Variants in H2BC12 observed in about 807,000 individuals in gnomAD.
H2BC12 encodes the protein histone H2B type 1-K.
A neutral mutation model predicts 6.3 loss-of-function variants in H2BC12; 6 were observed. That is an observed-to-expected ratio of 0.95 (90% CI 0.52 to 1.87). H2BC12 has a LOEUF of 1.87. H2BC12 is among the 40% of genes most tolerant of loss of function. H2BC12 has a pLI of 0.01. For synonymous variants in H2BC12, 132 were observed against 78.5 expected, an observed-to-expected ratio of 1.68 and a Z score of -3.60; for missense variants, 119 against 178.4, an observed-to-expected ratio of 0.67 and a Z score of 1.90.
chr6:27,142,556 GC>G (rs1365428328), downstream of H2BC12, among the ~76,000 whole-genome samples: 4 of 149,188 alleles, frequency 2.7e-5, no homozygotes, highest in Non-Finnish European at 5.9e-5. Flanking sequence ...GAGCCACTGT[GC>G]CCAGACAATT....
At chr6:27,139,507 A>T in the H2BC12 span, 3 of 1,613,944 alleles carry the variant, frequency 1.9e-6, no homozygotes, top group Non-Finnish European at 2.5e-6. Flanking sequence ...GGAGAACGTG[A>T]TCCGGGACGC....
At chr6:27,143,334 A>G (rs1397538391), downstream of H2BC12, among the ~76,000 whole-genome samples, 1 of 151,676 alleles carries the variant, frequency 6.6e-6, no homozygotes, top group East Asian at 2.0e-4. Flanking sequence ...CCTTGGCGAC[A>G]GAGTAAGACT....
chr6:27,139,963 T>A, the H2BC12 span: 1 of 259,730 alleles, frequency 3.9e-6, no homozygotes, highest in African/African-American at 2.3e-5. Flanking sequence ...AACTTCCCTC[T>A]GGACCTTCAA....
chr6:27,140,844 A>G, the H2BC12 span, among the ~76,000 whole-genome samples: 2 of 151,758 alleles, frequency 1.3e-5, no homozygotes, highest in Non-Finnish European at 2.9e-5. Flanking sequence ...TATTCTTTAT[A>G]TATTTGAGTT....
chr6:27,139,671 C>G, the H2BC12 span: 1 of 1,542,724 alleles, frequency 6.5e-7, no homozygotes, highest in Non-Finnish European at 8.7e-7. Flanking sequence ...TTTAGGGCCC[C>G]TAAGCTTTCA....
downstream of H2BC12, among the ~76,000 whole-genome samples, chr6:27,145,979 G>A (rs1357929854): frequency 6.6e-6 from 1 of 152,144 alleles, no homozygotes; most frequent in Non-Finnish European, 1.5e-5. Flanking sequence ...GTACTGGAAC[G>A]CCATCGGGAA....
downstream of H2BC12, among the ~76,000 whole-genome samples, chr6:27,144,840 A>G (rs1332874330): frequency 6.6e-6 from 1 of 152,130 alleles, no homozygotes; most frequent in East Asian, 1.9e-4. Flanking sequence ...TCTGTTGCCC[A>G]GGCTGGAGTG....
chr6:27,139,844 C>T, the H2BC12 span: 2 of 675,814 alleles, frequency 3.0e-6, no homozygotes, highest in African/African-American at 3.7e-5. Flanking sequence ...CCTCTGCTGG[C>T]CAGTAACTTC....
At chr6:27,139,434 C>T in the H2BC12 span, 3 of 1,614,204 alleles carry the variant, frequency 1.9e-6, no homozygotes, top group Non-Finnish European at 2.5e-6. Flanking sequence ...CTCGCCGCGG[C>T]GGCGTGAAGC....
the H2BC12 span, chr6:27,138,636 A>C: frequency 6.6e-6 from 1 of 152,206 alleles, no homozygotes; most frequent in African/African-American, 2.4e-5. Context: ...TCTTTTGATA[A>C]GAAGCTTTCT....
chr6:27,139,103 GC>G, the H2BC12 span: 5 of 499,862 alleles, frequency 1.0e-5, no homozygotes. Context: ...AGGAAAAACA[GC>G]CTAGGTCTTG....
At chr6:27,146,273 G>A (rs9393790), downstream of H2BC12, 10 of 1,354,880 alleles carry the variant, frequency 7.4e-6, no homozygotes, top group Non-Finnish European at 9.1e-6. Flanking sequence ...TACTCAGTGT[G>A]ATAAGATCAT....
the H2BC12 span, among the ~76,000 whole-genome samples, chr6:27,141,317 T>C: frequency 6.6e-6 from 1 of 152,092 alleles, no homozygotes; most frequent in African/African-American, 2.4e-5. Flanking sequence ...GTTAAGTGCT[T>C]TACATGGATT....
chr6:27,144,850 G>A (rs191793180), downstream of H2BC12, among the ~76,000 whole-genome samples: 503 of 152,214 alleles, frequency 3.3e-3, 2 homozygotes, highest in African/African-American at 8.0e-3. Context: ...AGGCTGGAGT[G>A]CAGTGAGGTG....
the H2BC12 span, chr6:27,139,041 T>C: frequency 2.5e-6 from 1 of 396,880 alleles, no homozygotes; most frequent in Non-Finnish European, 4.5e-6. Context: ...TTATGTATCT[T>C]CTATAATGTT....
chr6:27,145,194 G>A (rs535277028), downstream of H2BC12, among the ~76,000 whole-genome samples: 1 of 152,140 alleles, frequency 6.6e-6, no homozygotes, highest in African/African-American at 2.4e-5. Flanking sequence ...CATATGCTTT[G>A]CATGTATGAA....
chr6:27,139,298 A>G, the H2BC12 span: 3 of 1,594,290 alleles, frequency 1.9e-6, no homozygotes, highest in Non-Finnish European at 1.7e-6. Context: ...TTGTTCTCTG[A>G]CCACTTGATA....
chr6:27,138,403 AGAG>A, the H2BC12 span, among the ~76,000 whole-genome samples: 1 of 152,242 alleles, frequency 6.6e-6, no homozygotes, highest in African/African-American at 2.4e-5. Context: ...CAGAGGCAAA[AGAG>A]GAGATGGGTA....
chr6:27,139,167 G>A, the H2BC12 span: 2 of 842,180 alleles, frequency 2.4e-6, no homozygotes, highest in South Asian at 1.8e-5. Context: ...CAGCAGGCCT[G>A]TTTCCCTTTT....
Sources: allele counts gnomAD v4.1 joint callset (sites outside exome capture counted in the v4.1 genomes callset), GRCh38; gene constraint gnomAD v4.1.1; transcripts MANE v1.5; gene names NCBI Gene and HGNC (gene_info 2026-07-23, HGNC 2026-07-21).